The following C12orf42 variants were observed in gnomAD, a reference collection of about 807,000 sequenced individuals.
C12orf42 encodes the protein chromosome 12 open reading frame 42, also known as uncharacterized protein C12orf42.
In C12orf42, 25 loss-of-function variants were observed where a neutral mutation model predicts 21.6. The observed-to-expected ratio is 1.16, with a 90% CI of 0.84 to 1.62. C12orf42 has a LOEUF of 1.62. C12orf42 is among the 40% of genes most tolerant of loss of function. The pLI is 0.00. For synonymous variants in C12orf42, 174 were observed against 175.0 expected (o/e 0.99, Z 0.05); for missense variants, 483 against 459.3 (o/e 1.05, Z -0.47).
At chr12:103,114,363 G>T in the C12orf42 span, among the ~76,000 whole-genome samples, 1 of 152,292 alleles carries the variant, frequency 6.6e-6, no homozygotes, top group African/African-American at 2.4e-5. Flanking sequence ...GGACTCAGAT[G>T]GTCTGTCTCT....
the C12orf42 span, among the ~76,000 whole-genome samples, chr12:103,176,424 G>T: frequency 6.6e-6 from 1 of 152,002 alleles, no homozygotes; most frequent in African/African-American, 2.4e-5. Flanking sequence ...TACATTTTAG[G>T]TTTCTTGTAT....
chr12:103,143,800 A>G, the C12orf42 span, among the ~76,000 whole-genome samples: 2 of 152,232 alleles, frequency 1.3e-5, no homozygotes, highest in African/African-American at 4.8e-5. Flanking sequence ...CAAACCAAAC[A>G]CTGATTAAGA....
intron 1 of C12orf42, among the ~76,000 whole-genome samples, chr12:103,490,801 A>G (rs867015778): frequency 1.3e-5 from 2 of 151,866 alleles, no homozygotes; most frequent in South Asian, 2.1e-4. Context: ...GAGTAGTTTT[A>G]TAATACATTT....
chr12:103,146,037 A>T, the C12orf42 span, among the ~76,000 whole-genome samples: 11 of 152,174 alleles, frequency 7.2e-5, no homozygotes, highest in African/African-American at 2.7e-4. Flanking sequence ...ATGCTAATCT[A>T]GAGTGGCAAG....
chr12:103,320,661 A>G (rs1174371614), intron 4 of C12orf42, among the ~76,000 whole-genome samples: 2 of 152,196 alleles, frequency 1.3e-5, no homozygotes. Flanking sequence ...TACATTCAAT[A>G]TTAGAGATAT....
rs550587800 is a variant in C12orf42, at chr12:103,320,250, A to G, written c.260-13905T>C. On this transcript the variant is annotated intron_variant, in intron 4 of 5. Transcript: ENST00000548883. ...GTTAAGGAATATACCTCAAGGCCAC[A>G]GGGGGTTAGAATAATCAGGCAACCC... is the stretch of plus-strand genomic sequence containing the variant. 7.9e-5 allele frequency among the ~76,000 whole-genome samples: 12 copies of G among 152,338 alleles called. No individual in the cohort carries two copies. In the East Asian group the frequency reaches 1.7e-3, roughly 22 times the overall value.
the C12orf42 span, among the ~76,000 whole-genome samples, chr12:103,078,662 C>T: frequency 6.6e-6 from 1 of 152,292 alleles, no homozygotes; most frequent in Admixed American, 6.5e-5. Context: ...AGGAGGTTAA[C>T]TTATATCTAG....
the C12orf42 span, among the ~76,000 whole-genome samples, chr12:103,203,735 G>A: frequency 6.6e-6 from 1 of 152,130 alleles, no homozygotes; most frequent in East Asian, 1.9e-4. Flanking sequence ...CAAGTATCTA[G>A]CTAGCAACAA....
intron 5 of C12orf42, among the ~76,000 whole-genome samples, chr12:103,271,127 A>C (rs564042311): frequency 3.8e-4 from 58 of 152,252 alleles, no homozygotes; most frequent in African/African-American, 1.4e-3. Flanking sequence ...ACTTTTTGCA[A>C]GCCACAGTGA....
chr12:103,228,845 A>G, the C12orf42 span, among the ~76,000 whole-genome samples: 1 of 151,364 alleles, frequency 6.6e-6, no homozygotes, highest in East Asian at 1.9e-4. Flanking sequence ...TGTGTAGGGT[A>G]TAAGAAGCAT....
chr12:103,280,227 T>G (rs900969053), intron 4 of C12orf42, among the ~76,000 whole-genome samples: 1 of 152,168 alleles, frequency 6.6e-6, no homozygotes, highest in Admixed American at 6.5e-5. Flanking sequence ...GTGGGTCATA[T>G]AGATTGTAGT....
the C12orf42 span, among the ~76,000 whole-genome samples, chr12:103,092,079 T>A: frequency 6.6e-6 from 1 of 152,184 alleles, no homozygotes; most frequent in South Asian, 2.1e-4. Flanking sequence ...TATGTTCTTG[T>A]TTGTTAGAAA....
the C12orf42 span, among the ~76,000 whole-genome samples, chr12:103,524,033 A>G: frequency 6.6e-6 from 1 of 152,160 alleles, no homozygotes; most frequent in Non-Finnish European, 1.5e-5. Flanking sequence ...TGCTCCTGGA[A>G]AAATTTCCCT....
chr12:103,439,664 T>C (rs1951042769), intron 2 of C12orf42, among the ~76,000 whole-genome samples: 2 of 151,408 alleles, frequency 1.3e-5, no homozygotes, highest in South Asian at 4.2e-4. Context: ...AAAATGCTCA[T>C]CATCACTGGC....
chr12:103,404,148 A>G (rs533823761), intron 2 of C12orf42, among the ~76,000 whole-genome samples: 60 of 152,300 alleles, frequency 3.9e-4, no homozygotes, highest in Middle Eastern at 3.4e-3. Context: ...CATTATTGAG[A>G]CATAATTTAT....
intron 1 of C12orf42, among the ~76,000 whole-genome samples, chr12:103,490,656 T>A (rs1324476365): frequency 6.6e-6 from 1 of 151,996 alleles, no homozygotes; most frequent in African/African-American, 2.4e-5. Context: ...ATGATAGGTC[T>A]CCTTGTTTTA....
chr12:103,267,766 A>T (rs1246027569), downstream of C12orf42: 10 of 152,260 alleles, frequency 6.6e-5, no homozygotes, highest in Non-Finnish European at 1.2e-4. Context: ...GGATAAATTT[A>T]AAAATCCAAG....
downstream of C12orf42, among the ~76,000 whole-genome samples, chr12:103,236,658 G>T (rs2033475828): frequency 6.6e-6 from 1 of 152,028 alleles, no homozygotes; most frequent in South Asian, 2.1e-4. Flanking sequence ...AGTAAAATTG[G>T]TTCTTCTACA....
chr12:103,116,381 A>ATATATATAT, the C12orf42 span, among the ~76,000 whole-genome samples: 1 of 136,712 alleles, frequency 7.3e-6, no homozygotes, highest in African/African-American at 2.7e-5. Context: ...AAAAAAAAAA[A>ATATATATAT]ATATATATAT....
Sources: gnomAD v4.1 joint callset for allele counts (sites outside exome capture counted in the v4.1 genomes callset) on GRCh38, gnomAD v4.1.1 for gene constraint, MANE v1.5 for transcripts, NCBI Gene and HGNC (gene_info 2026-07-23, HGNC 2026-07-21) for gene names.